Variants in LOXHD1 observed in about 807,000 individuals in gnomAD.
LOXHD1 encodes lipoxygenase homology PLAT domains 1.
Under a neutral mutation model 248.2 loss-of-function variants are expected in LOXHD1, and 205 were observed. The ratio of observed to expected loss-of-function variants is 0.83; its 90% CI spans 0.74 to 0.93. LOXHD1 has a LOEUF of 0.93. Among genes scored for constraint, LOXHD1 ranks in the 40% least tolerant of loss-of-function variants. LOXHD1 has a pLI of 0.00. For missense variants in LOXHD1, 2,930 were observed against 2,971.6 expected, an observed-to-expected ratio of 0.99 and a Z score of 0.33; for synonymous variants, 1,113 against 1,162.8, an observed-to-expected ratio of 0.96 and a Z score of 0.87.
At chr18:46,576,692 G>C (rs762108846) in intron 14 of LOXHD1, among the ~76,000 whole-genome samples, 15 of 152,178 alleles carry the variant, frequency 9.9e-5, no homozygotes, top group Admixed American at 1.3e-4. Flanking sequence ...AGACTGTAGA[G>C]CTCTTTGTCA....
intron 2 of LOXHD1, among the ~76,000 whole-genome samples, chr18:46,648,488 G>C (rs2039061986): frequency 6.6e-6 from 1 of 152,110 alleles, no homozygotes; most frequent in Admixed American, 6.5e-5. Flanking sequence ...AAAACCAGCT[G>C]AACAGACCAC....
At chr18:46,627,325 C>G (rs541004693) in intron 4 of LOXHD1, among the ~76,000 whole-genome samples, 1 of 152,134 alleles carries the variant, frequency 6.6e-6, no homozygotes, top group Non-Finnish European at 1.5e-5. Flanking sequence ...GGTGGGAACA[C>G]TTTCTCTGAC....
chr18:46,485,874 G>C (rs1253963918), intron 38 of LOXHD1, among the ~76,000 whole-genome samples: 1 of 151,928 alleles, frequency 6.6e-6, no homozygotes, highest in African/African-American at 2.4e-5. Context: ...TCTCACTCCA[G>C]CCACTCTGCC....
chr18:46,631,832 G>A (rs1397175186), intron 4 of LOXHD1, among the ~76,000 whole-genome samples: 1 of 152,212 alleles, frequency 6.6e-6, no homozygotes, highest in African/African-American at 2.4e-5. Context: ...GCTGTCCGTG[G>A]TCTGGTTTCC....
intron 1 of LOXHD1, among the ~76,000 whole-genome samples, chr18:46,649,633 C>T (rs890267392): frequency 6.6e-6 from 1 of 152,134 alleles, no homozygotes; most frequent in African/African-American, 2.4e-5. Flanking sequence ...CTGCACCCAG[C>T]TCCCAGCTTC....
intron 33 of LOXHD1, chr18:46,520,447 C>A: frequency 2.6e-6 from 1 of 378,034 alleles, no homozygotes; most frequent in South Asian, 2.0e-5. Context: ...TTCTGGGCCA[C>A]CAAATGGCTG....
intron 33 of LOXHD1, among the ~76,000 whole-genome samples, chr18:46,519,991 G>A (rs551399668): frequency 6.6e-6 from 1 of 152,328 alleles, no homozygotes; most frequent in South Asian, 2.1e-4. Flanking sequence ...GCTGCACTGC[G>A]TGGGGTGTGC....
chr18:46,578,337 C>T (rs773415981), intron 13 of LOXHD1, among the ~76,000 whole-genome samples: 10 of 152,158 alleles, frequency 6.6e-5, no homozygotes, highest in Non-Finnish European at 1.0e-4. Context: ...TACATGAGCA[C>T]ACCTGGGAGC....
rs759674947 is a variant in LOXHD1, at chr18:46,545,307, G to C, written c.3619+10C>G. ...TGTGGGTGAATCTTGGCCCTGCACT[G>C]CTTTCTTACCAGTGTCATCCTGTGT... is the stretch of plus-strand genomic sequence containing the variant. On this transcript the variant is annotated intron_variant, in intron 23 of 40. Transcript: ENST00000642948. 7 of 1,543,636 alleles carry C rather than the reference G, an allele frequency of 4.5e-6. No individual in the cohort carries two copies. In the South Asian group the frequency reaches 7.2e-5, roughly 16 times the overall value.
At chr18:46,651,464 T>C (rs756811947) in intron 1 of LOXHD1, among the ~76,000 whole-genome samples, 8 of 151,858 alleles carry the variant, frequency 5.3e-5, no homozygotes, top group Non-Finnish European at 1.0e-4. Flanking sequence ...CCAAACCAAA[T>C]GCCCACAGGA....
At chr18:46,536,625 G>A (rs544613990) in intron 26 of LOXHD1, among the ~76,000 whole-genome samples, 11 of 152,314 alleles carry the variant, frequency 7.2e-5, no homozygotes, top group South Asian at 2.1e-4. Context: ...AGCCGCTGAC[G>A]GCATCAGGCC....
intron 8 of LOXHD1, among the ~76,000 whole-genome samples, chr18:46,598,977 T>C (rs1473115137): frequency 6.6e-6 from 1 of 152,112 alleles, no homozygotes; most frequent in African/African-American, 2.4e-5. Flanking sequence ...TGGTTATGAA[T>C]AGTCAAAATA....
intron 37 of LOXHD1, among the ~76,000 whole-genome samples, chr18:46,499,886 T>C (rs544827330): frequency 6.6e-6 from 1 of 152,332 alleles, no homozygotes; most frequent in South Asian, 2.1e-4. Context: ...TCTTTGCTGT[T>C]TGGAAACAAA....
chr18:46,564,025 G>T (rs1016856032), intron 17 of LOXHD1, among the ~76,000 whole-genome samples: 4 of 150,946 alleles, frequency 2.6e-5, no homozygotes, highest in Non-Finnish European at 5.9e-5. Flanking sequence ...GAATAATATT[G>T]ACATAATAAT....
At chr18:46,598,727 C>A (rs1365168736) in intron 8 of LOXHD1, among the ~76,000 whole-genome samples, 2 of 152,048 alleles carry the variant, frequency 1.3e-5, no homozygotes, top group East Asian at 1.9e-4. Context: ...ATTATAAGGT[C>A]TCTTAAACAT....
chr18:46,645,634 G>T (rs7235956), intron 2 of LOXHD1, among the ~76,000 whole-genome samples: 1 of 152,034 alleles, frequency 6.6e-6, no homozygotes, highest in African/African-American at 2.4e-5. Context: ...AACTGGGGTG[G>T]GGTCGGGGTA....
chr18:46,477,985 G>A (rs1321538933), intron 40 of LOXHD1, 33 bp from the exon 41 acceptor site: 1 of 1,530,316 alleles, frequency 6.5e-7, no homozygotes, highest in Admixed American at 2.0e-5. Flanking sequence ...GAGGGGTAGG[G>A]GCTAAGCAGA....
intron 14 of LOXHD1, among the ~76,000 whole-genome samples, chr18:46,574,553 T>C (rs567102668): frequency 1.6e-4 from 24 of 150,492 alleles, no homozygotes; most frequent in African/African-American, 5.9e-4. Context: ...CCAAGTCCCC[T>C]GGGTCCTGAG....
intron 4 of LOXHD1, among the ~76,000 whole-genome samples, chr18:46,618,558 T>C (rs771865868): frequency 1.3e-4 from 20 of 152,212 alleles, no homozygotes; most frequent in Non-Finnish European, 2.6e-4. Context: ...TGACCATCAC[T>C]GTATGTGATG....
Sources: allele counts gnomAD v4.1 joint callset (sites outside exome capture counted in the v4.1 genomes callset), GRCh38; gene constraint gnomAD v4.1.1; transcripts MANE v1.5; gene names NCBI Gene and HGNC (gene_info 2026-07-23, HGNC 2026-07-21).